The following ADGRG7 variants were observed in gnomAD, a reference collection of about 807,000 sequenced individuals.
ADGRG7 encodes adhesion G protein-coupled receptor G7.
Under a neutral mutation model 88.6 loss-of-function variants are expected in ADGRG7, and 82 were observed. The observed-to-expected ratio is 0.93, with a 90% CI of 0.77 to 1.11. The LOEUF is 1.11. Ranked by LOEUF, ADGRG7 falls within the 50% of genes most tolerant of loss-of-function variation. The pLI is 0.00. For missense variants in ADGRG7, 945 were observed against 953.4 expected (o/e 0.99, Z 0.12); for synonymous variants, 381 against 345.2 (o/e 1.10, Z -1.15).
At chr3:100,635,116 T>TG (rs1461315886) in intron 4 of ADGRG7, among the ~76,000 whole-genome samples, 3 of 152,014 alleles carry the variant, frequency 2.0e-5, no homozygotes, top group African/African-American at 7.3e-5. Context: ...CACAGAGCCC[T>TG]GGGGCTAACT....
intron 15 of ADGRG7, among the ~76,000 whole-genome samples, chr3:100,684,665 T>C (rs1191503860): frequency 3.9e-5 from 6 of 152,168 alleles, no homozygotes; most frequent in Non-Finnish European, 7.4e-5. Context: ...TCTTAGTTTT[T>C]TTTCCCTATA....
intron 1 of ADGRG7, 117 bp downstream of exon 1, chr3:100,610,088 G>A (rs925827457): frequency 6.7e-6 from 5 of 751,040 alleles, no homozygotes; most frequent in Non-Finnish European, 1.1e-5. Flanking sequence ...ATTCCACCAA[G>A]GTGCCATTTA....
At chr3:100,637,264 A>G in intron 5 of ADGRG7, 38 bp from the exon 6 acceptor site, 2 of 1,288,204 alleles carry the variant, frequency 1.6e-6, no homozygotes, top group Non-Finnish European at 2.3e-6. Flanking sequence ...AATGTATGAT[A>G]TATGCTTCTC....
Position 100,643,645 on chromosome 3 carries a change from A to G in ADGRG7, c.946+12A>G, listed in dbSNP as rs1434052617. On this transcript the variant is annotated intron_variant, in intron 8 of 15. Transcript: ENST00000273352. ...TAATATGACGAAAAGTAAGTCTCAAACTTTGTGACATTTAAAAAAATGGAC... is the reference window on the plus strand; with the variant it reads ...TAATATGACGAAAAGTAAGTCTCAAGCTTTGTGACATTTAAAAAAATGGAC... 1.3e-6 allele frequency: 2 copies of G among 1,563,468 alleles called. No individual in the cohort carries two copies. The highest frequency in any genetic ancestry group is 2.3e-5 in the South Asian group (2 of 87,430).
intron 13 of ADGRG7, among the ~76,000 whole-genome samples, chr3:100,656,958 G>A (rs891197566): frequency 6.6e-6 from 1 of 152,158 alleles, no homozygotes; most frequent in African/African-American, 2.4e-5. Flanking sequence ...TACCCAAGAT[G>A]CAAATATCTC....
At chr3:100,690,835 A>G (rs2094992232) in intron 15 of ADGRG7, among the ~76,000 whole-genome samples, 1 of 152,212 alleles carries the variant, frequency 6.6e-6, no homozygotes, top group African/African-American at 2.4e-5. Context: ...TTGAGGAGGC[A>G]GTCTGCCCGT....
intron 15 of ADGRG7, among the ~76,000 whole-genome samples, chr3:100,694,044 A>G (rs1158039761): frequency 6.6e-6 from 1 of 152,208 alleles, no homozygotes; most frequent in Non-Finnish European, 1.5e-5. Flanking sequence ...TCGTGGACAA[A>G]CTACTTAGTT....
At chr3:100,688,191 C>G (rs999795378) in intron 15 of ADGRG7, among the ~76,000 whole-genome samples, 7 of 152,174 alleles carry the variant, frequency 4.6e-5, no homozygotes, top group South Asian at 2.1e-4. Context: ...TTCTCTGATG[C>G]TAGTTTGTAT....
rs147613319 is a variant in ADGRG7, at chr3:100,672,962, T to C, written c.2136+3857T>C. Among the ~76,000 whole-genome samples, 1,072 of 152,286 alleles carry C rather than the reference T, an allele frequency of 7.0e-3. 16 individuals are homozygous for C. The highest frequency in any genetic ancestry group is 0.024 in the African/African-American group (1,018 of 41,572). On this transcript the variant is annotated intron_variant, in intron 15 of 15. Transcript: ENST00000273352. ...TGTGCTGCTGGATTCAGTTTGCCAG[T>C]ATTTTATTGAGGATTTTCACATCGA...
At chr3:100,656,697 CTCCAAAT>C (rs1293542604) in intron 13 of ADGRG7, among the ~76,000 whole-genome samples, 5 of 152,078 alleles carry the variant, frequency 3.3e-5, no homozygotes, top group Non-Finnish European at 5.9e-5. Context: ...CTATTCATAT[CTCCAAAT>C]TCCACCGGAA....
At chr3:100,643,174 C>G in intron 6 of ADGRG7, 92 bp from the exon 7 acceptor site, 1 of 1,114,826 alleles carries the variant, frequency 9.0e-7, no homozygotes, top group Admixed American at 2.1e-5. Flanking sequence ...CAATTCTATG[C>G]TCATGTCTTT....
chr3:100,627,490 A>G (rs543077296), intron 1 of ADGRG7, among the ~76,000 whole-genome samples: 1 of 152,254 alleles, frequency 6.6e-6, no homozygotes, highest in African/African-American at 2.4e-5. Flanking sequence ...TTTTTTTGGC[A>G]TCTGTGTAAA....
chr3:100,652,977 A>G (rs370064252), intron 11 of ADGRG7, among the ~76,000 whole-genome samples: 1 of 152,214 alleles, frequency 6.6e-6, no homozygotes, highest in African/African-American at 2.4e-5. Flanking sequence ...CAATAAAGGG[A>G]TAGTCCTTCG....
At chr3:100,665,850 A>T (rs984683330) in intron 14 of ADGRG7, among the ~76,000 whole-genome samples, 6 of 152,206 alleles carry the variant, frequency 3.9e-5, no homozygotes, top group Non-Finnish European at 8.8e-5. Context: ...ATGGTTCATA[A>T]ATTAGCCTAG....
rs1192338224 is a variant in ADGRG7 at position 100,633,364 on chromosome 3, C to T, written c.434C>T (p.Thr145Ile). 1.9e-6 allele frequency: 3 copies of T among 1,580,810 alleles called. No individual in the cohort carries two copies. The highest frequency in any genetic ancestry group is 2.6e-6 in the Non-Finnish European group (3 of 1,161,882). ...GGAAATTGCAATGAAAATCTGGAAACCCTGGAAAAGCAGGTATGCCATATG... is the reference window on the plus strand; with the variant it reads ...GGAAATTGCAATGAAAATCTGGAAATCCTGGAAAAGCAGGTATGCCATATG... ...TIGNCNENLE[T>I]LEKQVKDVTA... Residue 145 changes from threonine (T) to isoleucine (I), a missense_variant, in exon 4 of 16, where the codon ACC becomes ATC. Physicochemically the swap from Thr to Ile is moderately conservative, Grantham distance 89. Transcript: ENST00000273352.
intron 13 of ADGRG7, among the ~76,000 whole-genome samples, chr3:100,659,214 C>T (rs994586160): frequency 2.6e-5 from 4 of 151,758 alleles, no homozygotes; most frequent in South Asian, 2.1e-4. Flanking sequence ...GGGTGGATCA[C>T]GAGGTCAGGA....
At chr3:100,643,126 A>G (rs890084007) in intron 6 of ADGRG7, 140 bp from the exon 7 acceptor site, 4 of 763,588 alleles carry the variant, frequency 5.2e-6, no homozygotes, top group East Asian at 2.6e-5. Flanking sequence ...AAGAAAACCA[A>G]TTATTCTTAG....
At chr3:100,642,492 A>G (rs1277160628) in intron 6 of ADGRG7, among the ~76,000 whole-genome samples, 1 of 152,238 alleles carries the variant, frequency 6.6e-6, no homozygotes, top group Non-Finnish European at 1.5e-5. Flanking sequence ...GACATATAGA[A>G]CAACTACATT....
chr3:100,655,638 A>C (rs2094936606), intron 12 of ADGRG7, among the ~76,000 whole-genome samples: 1 of 152,204 alleles, frequency 6.6e-6, no homozygotes, highest in African/African-American at 2.4e-5. Context: ...ATGCCACTGA[A>C]ACATGACAAT....
Sources: allele counts gnomAD v4.1 joint callset (sites outside exome capture counted in the v4.1 genomes callset), GRCh38; gene constraint gnomAD v4.1.1; transcripts MANE v1.5; gene names NCBI Gene and HGNC (gene_info 2026-07-23, HGNC 2026-07-21).